Variants in MBD5 observed in about 807,000 individuals in gnomAD.
The protein encoded by MBD5 is methyl-CpG-binding domain protein 5.
A neutral mutation model predicts 117.3 loss-of-function variants in MBD5; 13 were observed. The observed-to-expected ratio is 0.11, with a 90% confidence interval of 0.07 to 0.18. MBD5 has a LOEUF of 0.18. Among genes scored for constraint, MBD5 ranks in the 10% least tolerant of loss-of-function variants. The probability of loss-of-function intolerance (pLI) is 1.00; values close to 1 mark genes in which losing one functional copy is unlikely to be tolerated. For missense variants in MBD5, 1,879 were observed against 2,093.8 expected, an observed-to-expected ratio of 0.90 and a Z score of 2.00; for synonymous variants, 727 against 766.4, an observed-to-expected ratio of 0.95 and a Z score of 0.85.
chr2:148,279,920 A>G (rs530860993), intron 3 of MBD5, among the ~76,000 whole-genome samples: 27 of 152,188 alleles, frequency 1.8e-4, no homozygotes, highest in African/African-American at 6.5e-4. Flanking sequence ...AGTAGCTGGG[A>G]CTAGAGGCAC....
chr2:148,212,270 G>A (rs1699442049), intron 2 of MBD5, among the ~76,000 whole-genome samples: 1 of 152,098 alleles, frequency 6.6e-6, no homozygotes, highest in Non-Finnish European at 1.5e-5. Context: ...GCAAACAGTA[G>A]TCTACTTTCT....
intron 3 of MBD5, among the ~76,000 whole-genome samples, chr2:148,336,800 G>T (rs562562825): frequency 6.6e-6 from 1 of 152,276 alleles, no homozygotes; most frequent in East Asian, 1.9e-4. Flanking sequence ...CCTCTGTTGA[G>T]TAACTGCTTG....
intron 3 of MBD5, among the ~76,000 whole-genome samples, chr2:148,316,932 T>C (rs999161253): frequency 1.3e-5 from 2 of 152,204 alleles, no homozygotes; most frequent in African/African-American, 4.8e-5. Context: ...TTTGAGGTTT[T>C]AAAAGCATTT....
chr2:148,445,798 G>A (rs1192506275), intron 4 of MBD5, among the ~76,000 whole-genome samples: 2 of 151,344 alleles, frequency 1.3e-5, no homozygotes, highest in Non-Finnish European at 2.9e-5. Context: ...TCCAGCACCT[G>A]TTGTTTTCTG....
At chr2:148,269,668 G>GT (rs11316954) in intron 3 of MBD5, among the ~76,000 whole-genome samples, 34,971 of 125,782 alleles carry the variant, frequency 0.28, 4,806 homozygotes, top group African/African-American at 0.35. Flanking sequence ...AGTTTTTTTA[G>GT]TTTTTTTTTT....
intron 8 of MBD5, among the ~76,000 whole-genome samples, chr2:148,473,930 T>C (rs1680876409): frequency 6.6e-6 from 1 of 152,160 alleles, no homozygotes. Flanking sequence ...AGTTTAATAT[T>C]TCCATGTAAC....
chr2:148,477,127 G>T (rs1442499681), intron 8 of MBD5, among the ~76,000 whole-genome samples: 3 of 150,978 alleles, frequency 2.0e-5, no homozygotes, highest in Non-Finnish European at 4.4e-5. Flanking sequence ...GGGGAGGGGG[G>T]AAGAAAAAAA....
intron 3 of MBD5, chr2:148,244,150 C>T (rs1700282487): frequency 1.3e-5 from 2 of 151,616 alleles, no homozygotes; most frequent in African/African-American, 4.9e-5. Flanking sequence ...ATCTGGCTTT[C>T]ACCATTTTAT....
At chr2:148,448,084 A>G (rs1574435610) in intron 4 of MBD5, among the ~76,000 whole-genome samples, 1 of 152,112 alleles carries the variant, frequency 6.6e-6, no homozygotes, top group East Asian at 1.9e-4. Flanking sequence ...ATGAGCAGTC[A>G]GTCAAGTACT....
chr2:148,060,119 T>C (rs1176137286), intron 1 of MBD5, among the ~76,000 whole-genome samples: 2 of 59,306 alleles, frequency 3.4e-5, no homozygotes. Flanking sequence ...AAACCCTGTC[T>C]CTACAAAAAG....
At chr2:148,175,383 G>T (rs1698360287) in intron 1 of MBD5, among the ~76,000 whole-genome samples, 1 of 152,134 alleles carries the variant, frequency 6.6e-6, no homozygotes, top group South Asian at 2.1e-4. Context: ...TAGGCACATA[G>T]AATATTACAT....
intron 3 of MBD5, among the ~76,000 whole-genome samples, chr2:148,248,285 A>G (rs1271753353): frequency 6.6e-6 from 1 of 152,190 alleles, no homozygotes; most frequent in African/African-American, 2.4e-5. Flanking sequence ...GACATTGAGC[A>G]TAGGAATGAA....
intron 3 of MBD5, among the ~76,000 whole-genome samples, chr2:148,286,805 C>A (rs1701378763): frequency 6.6e-6 from 1 of 151,960 alleles, no homozygotes; most frequent in Admixed American, 6.6e-5. Flanking sequence ...GGTAAAGGAA[C>A]CGAAGATTTA....
chr2:148,224,438 G>T (rs1439523424), intron 2 of MBD5, among the ~76,000 whole-genome samples: 3 of 151,058 alleles, frequency 2.0e-5, no homozygotes, highest in African/African-American at 7.3e-5. Flanking sequence ...TGCTTCCCAG[G>T]TTCAAGCAAT....
At chr2:148,094,387 T>G (rs1696011372) in intron 1 of MBD5, among the ~76,000 whole-genome samples, 2 of 152,204 alleles carry the variant, frequency 1.3e-5, no homozygotes, top group Admixed American at 1.3e-4. Context: ...TTGCCAATTT[T>G]GGACACACCA....
intron 1 of MBD5, among the ~76,000 whole-genome samples, chr2:148,159,039 C>G (rs1376797666): frequency 6.6e-6 from 1 of 152,082 alleles, no homozygotes; most frequent in Non-Finnish European, 1.5e-5. Context: ...TTCCTGTAAT[C>G]TTTATAAAAA....
At chr2:148,235,259 T>C (rs1377943155) in intron 3 of MBD5, among the ~76,000 whole-genome samples, 1 of 152,206 alleles carries the variant, frequency 6.6e-6, no homozygotes, top group Non-Finnish European at 1.5e-5. Flanking sequence ...AATTTTTAGA[T>C]GCAAAACTTG....
intron 8 of MBD5, among the ~76,000 whole-genome samples, chr2:148,480,868 C>T (rs908983586): frequency 6.6e-6 from 1 of 151,310 alleles, no homozygotes; most frequent in East Asian, 1.9e-4. Context: ...ACACTGAAAA[C>T]TTAAAAAAAA....
At chr2:148,420,611 C>T (rs1418718460) in intron 4 of MBD5, among the ~76,000 whole-genome samples, 2 of 152,182 alleles carry the variant, frequency 1.3e-5, no homozygotes, top group East Asian at 1.9e-4. Flanking sequence ...GCAAACATCA[C>T]ATGATCTGTT....
Sources: gnomAD v4.1 joint callset for allele counts (sites outside exome capture counted in the v4.1 genomes callset) on GRCh38, gnomAD v4.1.1 for gene constraint, MANE v1.5 for transcripts, NCBI Gene and HGNC (gene_info 2026-07-23, HGNC 2026-07-21) for gene names.